ELF1: variants seen among roughly 807,000 people sequenced by gnomAD.
The protein encoded by ELF1 is ETS-related transcription factor Elf-1.
ELF1 carries 24 observed loss-of-function variants against 59.9 expected under a neutral mutation model. That is an observed-to-expected ratio of 0.40 (90% CI 0.29 to 0.56). ELF1 has a LOEUF of 0.56. ELF1 is among the 20% of genes least tolerant of loss of function. The probability of loss-of-function intolerance (pLI) is 0.44; values close to 1 mark genes in which losing one functional copy is unlikely to be tolerated. For missense variants in ELF1, 627 were observed against 742.2 expected (o/e 0.84, Z 1.80); for synonymous variants, 248 against 266.2 (o/e 0.93, Z 0.67).
chr13:40,936,949 G>C (rs895277051), intron 8 of ELF1, among the ~76,000 whole-genome samples: 4 of 151,906 alleles, frequency 2.6e-5, no homozygotes, highest in African/African-American at 9.7e-5. Context: ...GGGAGACTCA[G>C]TCTCAAAAAA....
At chr13:40,958,296 A>G (rs1209390320) in intron 3 of ELF1, among the ~76,000 whole-genome samples, 1 of 151,510 alleles carries the variant, frequency 6.6e-6, no homozygotes, top group African/African-American at 2.4e-5. Context: ...GTCATGGCCC[A>G]CCATTTTGCT....
intron 2 of ELF1, among the ~76,000 whole-genome samples, chr13:40,959,279 G>A (rs751440891): frequency 2.6e-5 from 4 of 151,980 alleles, no homozygotes; most frequent in Non-Finnish European, 1.5e-5. Context: ...GGCAGATCAC[G>A]AGGGTCAGGA....
chr13:40,966,560 C>T (rs934261398), intron 2 of ELF1, among the ~76,000 whole-genome samples: 10 of 152,192 alleles, frequency 6.6e-5, no homozygotes, highest in Non-Finnish European at 1.3e-4. Context: ...CATTATGTGA[C>T]TCCCCTAACT....
At chr13:41,045,735 G>A (rs1251399751) in intron 1 of ELF1, among the ~76,000 whole-genome samples, 1 of 152,200 alleles carries the variant, frequency 6.6e-6, no homozygotes, top group East Asian at 1.9e-4. Context: ...GCGATATGGT[G>A]CTGAGAAGAA....
At position 40,943,021 on chromosome 13, in the gene ELF1, A is replaced by C; in HGVS notation, c.737T>G (p.Val246Gly). The change falls in exon 7 of 9, where the codon GTG becomes GGG. Residue 246 changes from valine (V) to glycine (G), a missense_variant. Val to Gly is a moderately radical substitution (Grantham distance 109). Coordinates refer to ENST00000239882, the MANE Select transcript of ELF1 (RefSeq NM_172373.4). The part of the protein sequence containing the change: ...GIFKLVDSKA[V>G]SRLWGKHKNK... ...TTTGTGCTTCCCCCACAACCTGGAC[A>C]CTGCTTTAGAATCCACCAATTTAAA... 6.2e-7 allele frequency: 1 copy of C among 1,611,620 alleles called. No individual in the cohort carries two copies. The highest frequency in any genetic ancestry group is 8.5e-7 in the Non-Finnish European group (1 of 1,178,472).
intron 1 of ELF1, among the ~76,000 whole-genome samples, chr13:41,052,771 T>C (rs905604574): frequency 3.9e-5 from 6 of 152,098 alleles, no homozygotes; most frequent in African/African-American, 1.4e-4. Flanking sequence ...GTAAGCTACT[T>C]TTCTTAAACT....
intron 1 of ELF1, among the ~76,000 whole-genome samples, chr13:40,986,084 G>A (rs1593379889): frequency 6.6e-6 from 1 of 152,170 alleles, no homozygotes; most frequent in South Asian, 2.1e-4. Flanking sequence ...ATTCTCCAAG[G>A]AGACATGCCA....
At chr13:41,013,895 T>C (rs1875217833) in intron 1 of ELF1, among the ~76,000 whole-genome samples, 1 of 152,014 alleles carries the variant, frequency 6.6e-6, no homozygotes, top group Admixed American at 6.5e-5. Context: ...TTTATAGTTT[T>C]ACTATTTATG....
chr13:41,029,506 C>T (rs1454371726), intron 1 of ELF1, among the ~76,000 whole-genome samples: 1 of 152,102 alleles, frequency 6.6e-6, no homozygotes, highest in Non-Finnish European at 1.5e-5. Flanking sequence ...CTCAGCCTCC[C>T]GAGTAGCTGG....
Position 41,055,391 on chromosome 13 carries a change from C to T in ELF1, c.-229+5447G>A, listed in dbSNP as rs2766725. ...CTTCCTCTCAATGCCTTGTCCCCAT[C>T]CCTGTCTCTACCAGCAAAAGCCTAA... On this transcript the variant is annotated intron_variant, in intron 1 of 1. Transcript: ENST00000405737. Among the ~76,000 whole-genome samples the T allele has an allele frequency of 2.0e-5, 3 of 151,172 alleles. No individual in the cohort carries two copies. In the South Asian group the frequency reaches 6.3e-4, roughly 32 times the overall value.
chr13:40,979,750 T>G (rs1346641540), intron 2 of ELF1, among the ~76,000 whole-genome samples: 3 of 152,228 alleles, frequency 2.0e-5, no homozygotes, highest in Non-Finnish European at 2.9e-5. Context: ...TTTGTATATA[T>G]GTATGTTCAT....
chr13:41,043,799 C>T (rs1460744642), intron 1 of ELF1, among the ~76,000 whole-genome samples: 1 of 152,076 alleles, frequency 6.6e-6, no homozygotes, highest in Non-Finnish European at 1.5e-5. Context: ...TTTTTTGGTA[C>T]CATATGAACT....
At chr13:41,005,047 G>C (rs1411019995) in intron 1 of ELF1, among the ~76,000 whole-genome samples, 2 of 152,144 alleles carry the variant, frequency 1.3e-5, no homozygotes, top group Admixed American at 1.3e-4. Flanking sequence ...CACAGAGTAA[G>C]ATATGGCACA....
chr13:41,022,472 G>T (rs935879455), upstream of ELF1, among the ~76,000 whole-genome samples: 3 of 152,210 alleles, frequency 2.0e-5, no homozygotes, highest in East Asian at 1.9e-4. Context: ...TCTGTATCTT[G>T]ACTGTGGTAC....
chr13:40,961,502 C>A (rs1321107575), intron 2 of ELF1, among the ~76,000 whole-genome samples: 2 of 152,052 alleles, frequency 1.3e-5, no homozygotes, highest in Non-Finnish European at 2.9e-5. Flanking sequence ...TCCTGTGCTA[C>A]AATCCCATCT....
intron 1 of ELF1, among the ~76,000 whole-genome samples, chr13:41,016,914 CAAAAAAAAAAAAAAAAAAAAA>C (rs1164306892): frequency 7.7e-5 from 1 of 12,908 alleles, no homozygotes; most frequent in African/African-American, 2.5e-4. Flanking sequence ...AACTCCGTCT[CAAAAAAAAAAAAAAAAAAAAA>C]AAAAAAAAAA....
At chr13:40,979,350 T>C (rs1264638608) in intron 2 of ELF1, among the ~76,000 whole-genome samples, 1 of 152,220 alleles carries the variant, frequency 6.6e-6, no homozygotes, top group East Asian at 1.9e-4. Context: ...TAGGTTCTAT[T>C]ATTTTCATCC....
At chr13:41,038,006 C>G (rs1221504901) in intron 1 of ELF1, among the ~76,000 whole-genome samples, 1 of 150,964 alleles carries the variant, frequency 6.6e-6, no homozygotes, top group Non-Finnish European at 1.5e-5. Flanking sequence ...TCTCCCCATC[C>G]CTCAAGGATC....
intron 1 of ELF1, among the ~76,000 whole-genome samples, chr13:40,992,602 T>G (rs1873914354): frequency 6.6e-6 from 1 of 151,156 alleles, no homozygotes; most frequent in African/African-American, 2.4e-5. Flanking sequence ...ATTTGGTTAT[T>G]GTCATCAATG....
Sources: gnomAD v4.1 joint callset for allele counts (sites outside exome capture counted in the v4.1 genomes callset) on GRCh38, gnomAD v4.1.1 for gene constraint, MANE v1.5 for transcripts, NCBI Gene and HGNC (gene_info 2026-07-23, HGNC 2026-07-21) for gene names.